The following CNTNAP2 variants were observed in gnomAD, a reference collection of about 807,000 sequenced individuals.
CNTNAP2 encodes the protein contactin associated protein 2, also known as contactin-associated protein-like 2.
CNTNAP2 carries 98 observed loss-of-function variants against 155.2 expected under a neutral mutation model. That is an observed-to-expected ratio of 0.63 (90% CI 0.54 to 0.75). The LOEUF (loss-of-function observed/expected upper bound fraction) is 0.75. Ranked by LOEUF, CNTNAP2 falls within the 30% of genes least tolerant of loss-of-function variation. The pLI, the probability that CNTNAP2 is intolerant of heterozygous loss-of-function variation, is 0.00. For synonymous variants in CNTNAP2, 651 were observed against 631.2 expected (o/e 1.03, Z -0.47); for missense variants, 1,727 against 1,688.1 (o/e 1.02, Z -0.40).
At chr7:148,132,318 A>G (rs1339562021) in intron 16 of CNTNAP2, among the ~76,000 whole-genome samples, 1 of 152,140 alleles carries the variant, frequency 6.6e-6, no homozygotes, top group African/African-American at 2.4e-5. Context: ...TCACAGTAAA[A>G]ATATATCTTC....
intron 1 of CNTNAP2, among the ~76,000 whole-genome samples, chr7:146,574,727 C>A (rs975751302): frequency 6.6e-6 from 1 of 151,928 alleles, no homozygotes; most frequent in South Asian, 2.1e-4. Context: ...ACAAGCAAAC[C>A]CAAAAATACA....
At chr7:146,616,548 A>C (rs1398271307) in intron 1 of CNTNAP2, among the ~76,000 whole-genome samples, 1 of 152,048 alleles carries the variant, frequency 6.6e-6, no homozygotes, top group African/African-American at 2.4e-5. Flanking sequence ...GGTGTTTCTG[A>C]GATTTGGTTT....
At chr7:146,567,710 A>G (rs866650674) in intron 1 of CNTNAP2, among the ~76,000 whole-genome samples, 8 of 152,086 alleles carry the variant, frequency 5.3e-5, no homozygotes, top group African/African-American at 1.9e-4. Context: ...ATTCAAACAG[A>G]TATAATTTTA....
chr7:146,193,895 T>C (rs921284900), intron 1 of CNTNAP2, among the ~76,000 whole-genome samples: 2 of 152,178 alleles, frequency 1.3e-5, no homozygotes, highest in East Asian at 1.9e-4. Context: ...CCCTAAATCA[T>C]CTCTCTCAAG....
chr7:148,336,550 G>GAAAAAGAAAA (rs1554420463), intron 21 of CNTNAP2, among the ~76,000 whole-genome samples: 2 of 73,122 alleles, frequency 2.7e-5, no homozygotes. Flanking sequence ...TGATGAAAAA[G>GAAAAAGAAAA]AAAAAAAAAA....
intron 10 of CNTNAP2, among the ~76,000 whole-genome samples, chr7:147,404,041 C>T (rs1189799055): frequency 2.0e-5 from 3 of 152,106 alleles, no homozygotes; most frequent in Non-Finnish European, 4.4e-5. Context: ...ATTTCTCTTA[C>T]TTTGGGAAAT....
At chr7:147,598,295 A>T (rs765784247) in intron 12 of CNTNAP2, among the ~76,000 whole-genome samples, 7 of 151,776 alleles carry the variant, frequency 4.6e-5, no homozygotes, top group Non-Finnish European at 1.0e-4. Flanking sequence ...TAAATCCCGC[A>T]TGTATTAGGT....
intron 11 of CNTNAP2, among the ~76,000 whole-genome samples, chr7:147,539,177 C>A (rs1799598454): frequency 6.6e-6 from 1 of 152,092 alleles, no homozygotes; most frequent in African/African-American, 2.4e-5. Context: ...TCCCATTTAT[C>A]TTTAGTATTC....
intron 14 of CNTNAP2, among the ~76,000 whole-genome samples, chr7:147,971,118 T>A (rs1011105385): frequency 6.6e-6 from 1 of 152,202 alleles, no homozygotes; most frequent in South Asian, 2.1e-4. Flanking sequence ...AAAGATTTTG[T>A]AGTCCCTGGT....
intron 1 of CNTNAP2, among the ~76,000 whole-genome samples, chr7:146,495,299 T>C (rs1797197769): frequency 1.3e-5 from 2 of 152,134 alleles, no homozygotes; most frequent in South Asian, 2.1e-4. Flanking sequence ...ACATTACATA[T>C]TTGTGTGTTT....
intron 10 of CNTNAP2, among the ~76,000 whole-genome samples, chr7:147,465,232 G>T (rs1164025086): frequency 2.0e-5 from 3 of 152,138 alleles, no homozygotes; most frequent in African/African-American, 7.2e-5. Context: ...TGGGTGATGG[G>T]TTCAATAGAA....
At chr7:146,294,178 T>C (rs11978526) in intron 1 of CNTNAP2, among the ~76,000 whole-genome samples, 1 of 152,180 alleles carries the variant, frequency 6.6e-6, no homozygotes, top group Non-Finnish European at 1.5e-5. Context: ...AAGTTAATGG[T>C]TTTGTAAATT....
At chr7:147,236,951 T>G (rs1803819180) in intron 8 of CNTNAP2, among the ~76,000 whole-genome samples, 1 of 151,792 alleles carries the variant, frequency 6.6e-6, no homozygotes, top group Non-Finnish European at 1.5e-5. Context: ...TTAGGTAAAA[T>G]TTATACCCTT....
intron 3 of CNTNAP2, among the ~76,000 whole-genome samples, chr7:146,859,523 G>T (rs1287624102): frequency 3.9e-5 from 6 of 152,108 alleles, no homozygotes; most frequent in Non-Finnish European, 5.9e-5. Context: ...AGGCTGTGGT[G>T]GTGCATGCCT....
chr7:148,113,361 C>T (rs1772306771), intron 15 of CNTNAP2, among the ~76,000 whole-genome samples: 1 of 152,158 alleles, frequency 6.6e-6, no homozygotes, highest in Admixed American at 6.5e-5. Flanking sequence ...CTCATAAGCA[C>T]TCAATCACTA....
intron 13 of CNTNAP2, among the ~76,000 whole-genome samples, chr7:147,718,388 T>C (rs190109271): frequency 1.3e-5 from 2 of 152,264 alleles, no homozygotes; most frequent in Admixed American, 6.5e-5. Flanking sequence ...AATTAACTTG[T>C]GATGAAATGC....
chr7:146,443,344 T>A (rs2129120219), intron 1 of CNTNAP2, among the ~76,000 whole-genome samples: 1 of 152,290 alleles, frequency 6.6e-6, no homozygotes, highest in Admixed American at 6.5e-5. Flanking sequence ...CCTGTAAAGT[T>A]AAATGGTAAT....
intron 1 of CNTNAP2, among the ~76,000 whole-genome samples, chr7:146,396,743 C>G (rs537168480): frequency 2.9e-4 from 43 of 148,888 alleles, no homozygotes; most frequent in Admixed American, 7.3e-4. Flanking sequence ...ATATAAATAT[C>G]CTGCAAAATG....
intron 3 of CNTNAP2, among the ~76,000 whole-genome samples, chr7:146,975,782 A>G (rs1046427690): frequency 1.3e-5 from 2 of 152,198 alleles, no homozygotes; most frequent in Admixed American, 1.3e-4. Context: ...TCCTAGGTAG[A>G]CATTTCAGAT....
Sources: gnomAD v4.1 joint callset for allele counts (sites outside exome capture counted in the v4.1 genomes callset) on GRCh38, gnomAD v4.1.1 for gene constraint, MANE v1.5 for transcripts, NCBI Gene and HGNC (gene_info 2026-07-23, HGNC 2026-07-21) for gene names.